The following NUFIP2 variants were observed in gnomAD, a reference collection of about 807,000 sequenced individuals.
NUFIP2 encodes the protein nuclear FMR1 interacting protein 2.
In NUFIP2, 6 loss-of-function variants were observed where a neutral mutation model predicts 56.9. That is an observed-to-expected ratio of 0.11 (90% CI 0.06 to 0.21). NUFIP2 has a LOEUF of 0.21. Among genes scored for constraint, NUFIP2 ranks in the 10% least tolerant of loss-of-function variants. The probability of loss-of-function intolerance (pLI) is 1.00; values close to 1 mark genes in which losing one functional copy is unlikely to be tolerated. For missense variants in NUFIP2, 828 were observed against 826.8 expected (o/e 1.00, Z -0.02); for synonymous variants, 321 against 298.2 (o/e 1.08, Z -0.79).
intron 3 of NUFIP2, among the ~76,000 whole-genome samples, chr17:29,266,714 T>C (rs2069039149): frequency 6.6e-6 from 1 of 151,864 alleles, no homozygotes; most frequent in Non-Finnish European, 1.5e-5. Flanking sequence ...GTTGGTTTCC[T>C]ACATTAATAA....
chr17:29,289,972 G>A (rs2069200824), intron 1 of NUFIP2, among the ~76,000 whole-genome samples: 1 of 152,036 alleles, frequency 6.6e-6, no homozygotes, highest in East Asian at 1.9e-4. Context: ...GGCCCAGGTT[G>A]AAGTGCAGTG....
chr17:29,282,499 G>A (rs1204395051), intron 2 of NUFIP2, among the ~76,000 whole-genome samples: 2 of 150,130 alleles, frequency 1.3e-5, no homozygotes. Flanking sequence ...AGTGAGCCAA[G>A]ACTGTGACAC....
At chr17:29,283,371 T>C (rs917253927) in intron 2 of NUFIP2, among the ~76,000 whole-genome samples, 3 of 152,206 alleles carry the variant, frequency 2.0e-5, no homozygotes, top group Non-Finnish European at 4.4e-5. Context: ...ACGGTCTCAC[T>C]CTGTTGCCCA....
At chr17:29,273,087 T>C (rs2069086068) in intron 2 of NUFIP2, among the ~76,000 whole-genome samples, 1 of 151,730 alleles carries the variant, frequency 6.6e-6, no homozygotes, top group Non-Finnish European at 1.5e-5. Flanking sequence ...TCACCCAGGC[T>C]GGAGTGCAAT....
In NUFIP2 at chr17:29,260,933, AGAG is replaced by A. The variant is rs1194576210; in HGVS notation, c.*3603_*3605del. ...TATTGGCTATCCCCTCCTAGAAAGTAGAGGAGGAAGGGCTGGCTACCACAGACG... is the reference window on the plus strand; with the variant it reads ...TATTGGCTATCCCCTCCTAGAAAGTAGAGGAAGGGCTGGCTACCACAGACG... On this transcript the variant is annotated 3_prime_UTR_variant, in exon 4 of 4. Coordinates refer to ENST00000225388, the MANE Select transcript of NUFIP2 (RefSeq NM_020772.3). 1.1e-4 allele frequency: 16 copies of A among 152,202 alleles called. No individual in the cohort carries two copies. Among genetic ancestry groups the A allele is most frequent in the Non-Finnish European group, 2.9e-5 (2 of 68,016 alleles). The allele number at this position is 152,202 out of a possible 1,614,324, so 9.4% of individuals were successfully genotyped here.
chr17:29,286,615 G>C lies in NUFIP2; in HGVS notation c.1379C>G (p.Thr460Ser). ...CTTAATTTGTTCAACAGCTGCTGAA[G>C]TTAGACTCATGTCCTGGAGAACTGA... The part of the protein sequence containing the change: ...TDSVLQDMSL[T>S]SAAVEQIKTS... Residue 460 changes from threonine (T) to serine (S), a missense_variant, in exon 2 of 4, where the codon ACT (threonine) becomes AGT (serine). By Grantham distance (58) the Thr-to-Ser change is moderately conservative. Transcript: ENST00000225388. 6.2e-7 allele frequency: 1 copy of C among 1,614,206 alleles called. No individual in the cohort carries two copies. The highest frequency in any genetic ancestry group is 1.1e-5 in the South Asian group (1 of 91,084).
At position 29,259,456 on chromosome 17, in the gene NUFIP2, C is replaced by G; in HGVS notation, c.*5083G>C. ...TTAGCCAGGTGTGGTGGTGTGCGCC[C>G]GTAATCCCAGCTACATGGGAGGCTG... On this transcript the variant is annotated 3_prime_UTR_variant, in exon 4 of 4. Transcript: ENST00000225388. 6.6e-6 allele frequency: 1 copy of G among 151,458 alleles called. No individual in the cohort carries two copies. Among genetic ancestry groups the G allele is most frequent in the East Asian group, 1.9e-4 (1 of 5,152 alleles). The allele number at this position is 151,458 out of a possible 1,614,324, so 9.4% of individuals were successfully genotyped here.
At chr17:29,282,512 C>T (rs994926992) in intron 2 of NUFIP2, among the ~76,000 whole-genome samples, 1 of 150,526 alleles carries the variant, frequency 6.6e-6, no homozygotes. Context: ...TGTGACACTG[C>T]ACTCCAGCCT....
chr17:29,276,151 A>C (rs1389369128), intron 2 of NUFIP2, among the ~76,000 whole-genome samples: 1 of 151,986 alleles, frequency 6.6e-6, no homozygotes, highest in Admixed American at 6.6e-5. Context: ...CTAGCACTTG[A>C]CACAATAGCT....
chr17:29,281,361 G>A (rs1243221774), intron 2 of NUFIP2, among the ~76,000 whole-genome samples: 1 of 149,842 alleles, frequency 6.7e-6, no homozygotes, highest in African/African-American at 2.5e-5. Context: ...GCATTGCGGT[G>A]CACACCTGTG....
intron 1 of NUFIP2, among the ~76,000 whole-genome samples, chr17:29,291,056 A>G (rs1252618565): frequency 6.6e-6 from 1 of 151,208 alleles, no homozygotes; most frequent in Admixed American, 6.6e-5. Context: ...AAAAAAAAGA[A>G]AAGAAAATCT....
Position 29,263,208 on chromosome 17 carries a change from C to A in NUFIP2, c.*1331G>T, listed in dbSNP as rs560439244. On this transcript the variant is annotated 3_prime_UTR_variant, in exon 4 of 4. Coordinates refer to ENST00000225388, the MANE Select transcript of NUFIP2 (RefSeq NM_020772.3). ...GACCCTTAATTTCTGCACACACACA[C>A]AAAAATTTATTTTAGCATGCTATAC... The A allele has an allele frequency of 1.3e-5, 2 of 152,658 alleles. No individual in the cohort carries two copies. The highest frequency in any genetic ancestry group is 4.1e-4 in the South Asian group (2 of 4,822). 9.5% of individuals were successfully genotyped at this position (152,658 alleles called of 1,614,324 possible).
At chr17:29,275,663 C>T (rs2153011550) in intron 2 of NUFIP2, among the ~76,000 whole-genome samples, 1 of 152,230 alleles carries the variant, frequency 6.6e-6, no homozygotes, top group Admixed American at 6.5e-5. Context: ...TTTAACTGGC[C>T]TCCTTTGCCA....
intron 2 of NUFIP2, among the ~76,000 whole-genome samples, chr17:29,274,538 G>A (rs1196973576): frequency 6.6e-6 from 1 of 152,174 alleles, no homozygotes; most frequent in Non-Finnish European, 1.5e-5. Context: ...TACCATCTAT[G>A]ACTGCTTTTG....
intron 3 of NUFIP2, among the ~76,000 whole-genome samples, 197 bp downstream of exon 3, chr17:29,267,301 G>A (rs537086859): frequency 4.6e-5 from 7 of 151,240 alleles, no homozygotes; most frequent in African/African-American, 1.7e-4. Context: ...CAATCCTCCC[G>A]CCTTGGCCTC....
At position 29,262,830 on chromosome 17, in the gene NUFIP2, A is replaced by C. The variant is rs1217146338; in HGVS notation, c.*1709T>G. 3.3e-5 allele frequency: 5 copies of C among 152,112 alleles called. No individual in the cohort carries two copies. The South Asian group carries it at 1.0e-3, about 32-fold the overall frequency. The allele number at this position is 152,112 out of a possible 1,614,324, so 9.4% of individuals were successfully genotyped here. A position where few individuals can be genotyped will look rare whatever the true frequency, so the allele number is the denominator to read the frequency against. On this transcript the variant is annotated 3_prime_UTR_variant, in exon 4 of 4. Transcript: ENST00000225388. ...CTTTTAAAATCTAAGCAGGGCAGAA[A>C]TCCAGACTAAAAAGATAGTTACTCT...
At chr17:29,290,149 T>G (rs1009876175) in intron 1 of NUFIP2, among the ~76,000 whole-genome samples, 1 of 151,990 alleles carries the variant, frequency 6.6e-6, no homozygotes, top group African/African-American at 2.4e-5. Flanking sequence ...CCTCCCAAAG[T>G]GCTGGGATTA....
Position 29,263,929 on chromosome 17 carries a change from G to A in NUFIP2, c.*610C>T, listed in dbSNP as rs1437832315. 4 of 152,494 alleles carry A rather than the reference G, an allele frequency of 2.6e-5. No homozygotes were observed. The highest frequency in any genetic ancestry group is 4.4e-5 in the Non-Finnish European group (3 of 68,004). 9.4% of individuals were successfully genotyped at this position (152,494 alleles called of 1,614,324 possible). On this transcript the variant is annotated 3_prime_UTR_variant, in exon 4 of 4. Transcript: ENST00000225388. ...GTATTTCCCCAACACCCCAGAGGCC[G>A]CTTAACTCCTGGCAAGACATGCAAA...
Position 29,260,838 on chromosome 17 carries a change from AAAATTCT to A in NUFIP2, c.*3694_*3700del, listed in dbSNP as rs2068998191. 6.6e-6 allele frequency: 1 copy of A among 152,196 alleles called. No individual in the cohort carries two copies. The highest frequency in any genetic ancestry group is 2.1e-4 in the South Asian group (1 of 4,830). 9.4% of individuals were successfully genotyped at this position (152,196 alleles called of 1,614,324 possible). On this transcript the variant is annotated 3_prime_UTR_variant, in exon 4 of 4. Transcript: ENST00000225388. ...TAAGCAGATGATTAAGGAGGACAAC[AAAATTCT>A]AAAATGGAGAAACTCTGGCCATTTA... is the stretch of plus-strand genomic sequence containing the variant.
Sources: allele counts gnomAD v4.1 joint callset (sites outside exome capture counted in the v4.1 genomes callset), GRCh38; gene constraint gnomAD v4.1.1; transcripts MANE v1.5; gene names NCBI Gene and HGNC (gene_info 2026-07-23, HGNC 2026-07-21).